The following TLE2 variants were observed in gnomAD, a reference collection of about 807,000 sequenced individuals.
TLE2 encodes TLE family member 2, transcriptional corepressor, also known as transducin-like enhancer protein 2.
TLE2 carries 74 observed loss-of-function variants against 97.2 expected under a neutral mutation model. The observed-to-expected ratio is 0.76, with a 90% CI of 0.63 to 0.92. TLE2 has a LOEUF of 0.92. Among genes scored for constraint, TLE2 ranks in the 40% least tolerant of loss-of-function variants. The pLI is 0.00. For synonymous variants in TLE2, 499 were observed against 432.1 expected (o/e 1.15, Z -1.92); for missense variants, 1,038 against 1,008.7 (o/e 1.03, Z -0.39).
intron 14 of TLE2, among the ~76,000 whole-genome samples, chr19:3,008,072 A>G (rs571663280): frequency 6.6e-6 from 1 of 150,854 alleles, no homozygotes; most frequent in Non-Finnish European, 1.5e-5. Context: ...ACAGAGCGAA[A>G]CTCAGTCTCA....
intron 1 of TLE2, among the ~76,000 whole-genome samples, chr19:3,045,038 C>G (rs1209663029): frequency 6.6e-6 from 1 of 151,292 alleles, no homozygotes; most frequent in African/African-American, 2.4e-5. Context: ...GCCAACATGG[C>G]AAGACCTTGT....
At chr19:3,004,722 G>T (rs1230059091) in intron 17 of TLE2, among the ~76,000 whole-genome samples, 3 of 151,788 alleles carry the variant, frequency 2.0e-5, no homozygotes, top group Non-Finnish European at 4.4e-5. Context: ...ATAGGAGTTT[G>T]CCAATTACAG....
In TLE2 at chr19:3,028,303, T is replaced by G. The variant is rs773902357; in HGVS notation, c.186+16A>C. 21 of 1,603,042 alleles carry G rather than the reference T, an allele frequency of 1.3e-5. No individual in the cohort carries two copies. Among genetic ancestry groups the G allele is most frequent in the Admixed American group, 5.1e-5 (3 of 58,606 alleles). ...GCCCGCCTCTCCCCTCACCCTGGCATCATAAGTGCCCTCACCATGACATAA... is the reference window on the plus strand; with the variant it reads ...GCCCGCCTCTCCCCTCACCCTGGCAGCATAAGTGCCCTCACCATGACATAA... On this transcript the variant is annotated intron_variant, in intron 3 of 19. Transcript: ENST00000262953.
intron 5 of TLE2, 57 bp downstream of exon 5, chr19:3,024,963 C>A (rs1354045743): frequency 4.1e-6 from 6 of 1,474,584 alleles, no homozygotes; most frequent in Non-Finnish European, 5.5e-6. Context: ...AGACCTACCC[C>A]CTCCCGTCTT....
At chr19:3,007,351 A>C (rs369713693) in intron 14 of TLE2, among the ~76,000 whole-genome samples, 38 of 152,152 alleles carry the variant, frequency 2.5e-4, no homozygotes, top group African/African-American at 7.9e-4. Context: ...CGGCCTCCCA[A>C]AATGCTGGGA....
chr19:3,028,896 G>A lies in TLE2; in HGVS notation c.9C>T (p.Pro3=). 4.3e-6 allele frequency: 7 copies of A among 1,610,866 alleles called. No individual in the cohort carries two copies. The highest frequency in any genetic ancestry group is 2.0e-4 in the Middle Eastern group (1 of 4,924). MY[P]QGRHPTPLQS... ...CCGCACTCACCGGGTGCCTTCCCTGGGGGTACATCCTGCCGATCCGAAAAG... is the reference window on the plus strand; with the variant it reads ...CCGCACTCACCGGGTGCCTTCCCTGAGGGTACATCCTGCCGATCCGAAAAG... Residue 3 remains proline (P), a synonymous_variant, in exon 1 of 20, where the codon CCC becomes CCT. Transcript: ENST00000262953.
chr19:3,007,805 G>A (rs1391593308), intron 14 of TLE2, among the ~76,000 whole-genome samples: 2 of 152,092 alleles, frequency 1.3e-5, no homozygotes, highest in Non-Finnish European at 2.9e-5. Flanking sequence ...ACATTTTCAG[G>A]CCGGCACAGT....
At chr19:3,002,239 A>G in intron 18 of TLE2, 114 bp downstream of exon 18, 1 of 1,312,188 alleles carries the variant, frequency 7.6e-7, no homozygotes, top group Non-Finnish European at 1.0e-6. Flanking sequence ...TTGAGTATAT[A>G]AAACTTAGTA....
At chr19:3,001,080 C>T (rs575635146) in intron 18 of TLE2, among the ~76,000 whole-genome samples, 22 of 151,930 alleles carry the variant, frequency 1.4e-4, no homozygotes, top group Non-Finnish European at 2.9e-4. Context: ...TGAGACCATC[C>T]TGGCCAACAT....
chr19:3,029,463 C>A, upstream of TLE2: 1 of 978,514 alleles, frequency 1.0e-6, no homozygotes, highest in Non-Finnish European at 1.2e-6. Context: ...TGGGGAGGCG[C>A]CCAGTGCCTT....
rs182457841 is a variant in TLE2, at chr19:3,000,502, C to T, written c.2124+145G>A. The T allele has an allele frequency of 9.2e-4, 597 of 649,272 alleles. 1 individual carries two copies. In the African/African-American group the frequency reaches 9.6e-3, roughly 10 times the overall value. 40.2% of individuals were successfully genotyped at this position (649,272 alleles called of 1,614,324 possible). On this transcript the variant is annotated intron_variant, in intron 19 of 19. Transcript: ENST00000262953. ...TCCAACCTCTGCTTTAGTACCTGGG[C>T]GGTAGGGAGGCTTGCAGGACCCTGA...
intron 17 of TLE2, among the ~76,000 whole-genome samples, chr19:3,004,503 G>A (rs2089432035): frequency 2.0e-5 from 3 of 151,716 alleles, no homozygotes; most frequent in African/African-American, 4.8e-5. Context: ...GCCGAGCATG[G>A]TGGTGCGTTC....
upstream of TLE2, among the ~76,000 whole-genome samples, chr19:3,031,235 G>C (rs563449753): frequency 6.6e-6 from 1 of 152,178 alleles, no homozygotes; most frequent in South Asian, 2.1e-4. Flanking sequence ...GGGGTGTCTG[G>C]GAGAGGACCC....
intron 18 of TLE2, among the ~76,000 whole-genome samples, chr19:3,001,229 C>T (rs1182325927): frequency 4.6e-5 from 7 of 151,158 alleles, no homozygotes; most frequent in Non-Finnish European, 5.9e-5. Flanking sequence ...GCTGAGATTG[C>T]GCCACTGCAC....
chr19:3,016,880 G>A (rs541658473), intron 8 of TLE2, among the ~76,000 whole-genome samples: 1 of 151,854 alleles, frequency 6.6e-6, no homozygotes, highest in South Asian at 2.1e-4. Flanking sequence ...CCGGGTTCAC[G>A]CCATTCTTCT....
upstream of TLE2, chr19:3,029,337 G>GGC: frequency 6.0e-6 from 1 of 166,270 alleles, no homozygotes; most frequent in Non-Finnish European, 1.2e-5. Context: ...CGCGCCCGCG[G>GGC]CCCGCCCCGC....
chr19:3,003,927 G>A lies in TLE2; in HGVS notation c.1897-1424C>T, dbSNP rs187972993. Among the ~76,000 whole-genome samples the A allele has an allele frequency of 2.9e-3, 446 of 152,108 alleles. 4 individuals carry two copies. Among genetic ancestry groups the A allele is most frequent in the African/African-American group, 9.5e-3 (395 of 41,518 alleles). On this transcript the variant is annotated intron_variant, in intron 17 of 19. Transcript: ENST00000262953. ...TCTCCATGTTGGTCAGGCTGGTCTC[G>A]AACTCCTGACCTCAAGTGATCCACC...
intron 11 of TLE2, among the ~76,000 whole-genome samples, chr19:3,012,836 A>G (rs1323550279): frequency 1.3e-5 from 2 of 152,066 alleles, no homozygotes; most frequent in Admixed American, 6.6e-5. Context: ...CCATGACACC[A>G]TCGCACAAAC....
At chr19:3,008,316 G>C (rs1442153398) in intron 14 of TLE2, among the ~76,000 whole-genome samples, 1 of 152,166 alleles carries the variant, frequency 6.6e-6, no homozygotes, top group Non-Finnish European at 1.5e-5. Context: ...CTCCAGGCCA[G>C]GAACGTCTCC....
Sources: gnomAD v4.1 joint callset for allele counts (sites outside exome capture counted in the v4.1 genomes callset) on GRCh38, gnomAD v4.1.1 for gene constraint, MANE v1.5 for transcripts, NCBI Gene and HGNC (gene_info 2026-07-23, HGNC 2026-07-21) for gene names.